The following SMN2 variants were observed in gnomAD, a reference collection of about 807,000 sequenced individuals.
SMN2 encodes survival of motor neuron 2, centromeric, also known as survival motor neuron protein.
In SMN2, 1 loss-of-function variant was observed where a neutral mutation model predicts 2.8. The ratio of observed to expected loss-of-function variants is 0.35; its 90% CI spans 0.13 to 1.68. SMN2 has a LOEUF of 1.68. SMN2 is among the 40% of genes most tolerant of loss of function. The pLI is 0.35. For synonymous variants in SMN2, 5 were observed against 5.0 expected (o/e 0.99, Z 0.01); for missense variants, 12 against 16.9 (o/e 0.71, Z 0.51).
chr5:70,069,717 G>T (rs1159598865), intron 6 of SMN2, among the ~76,000 whole-genome samples: 1 of 204 alleles, frequency 4.9e-3, no homozygotes. Context: ...TTTTTTTTTT[G>T]TTTTGGAGGC....
intron 1 of SMN2, among the ~76,000 whole-genome samples, chr5:70,052,983 G>A (rs1774498723): frequency 1.2e-5 from 1 of 83,344 alleles, no homozygotes; most frequent in South Asian, 4.0e-4. Flanking sequence ...AAGTTGCAGA[G>A]CCTAGAAGGT....
the SMN2 span, among the ~76,000 whole-genome samples, chr5:70,084,433 C>T: frequency 6.9e-5 from 9 of 130,524 alleles, no homozygotes; most frequent in Non-Finnish European, 1.1e-4. Flanking sequence ...GTGATCTGCT[C>T]GCCTTGGCCT....
chr5:70,083,425 C>G (rs1456109665), downstream of SMN2, among the ~76,000 whole-genome samples: 1 of 135,966 alleles, frequency 7.4e-6, no homozygotes, highest in Non-Finnish European at 1.5e-5. Context: ...CTAGAAATAC[C>G]ATTTGACCCA....
intron 1 of SMN2, among the ~76,000 whole-genome samples, chr5:70,052,522 C>T (rs1277236212): frequency 1.8e-4 from 2 of 10,832 alleles, no homozygotes; most frequent in East Asian, 2.4e-3. Flanking sequence ...GCCTGGGCAA[C>T]AAGAGCAAAA....
chr5:70,080,161 A>G (rs1212209791), downstream of SMN2, among the ~76,000 whole-genome samples: 1 of 118,792 alleles, frequency 8.4e-6, no homozygotes, highest in Non-Finnish European at 1.7e-5. Context: ...CCCCATCTCT[A>G]CTAAAAATAC....
rs1363913825 is a variant in SMN2, at chr5:70,076,552, G to A, written c.866G>A (p.Cys289Tyr). The A allele has an allele frequency of 1.4e-6, 2 of 1,464,384 alleles. No homozygotes were observed. The highest frequency in any genetic ancestry group is 4.7e-5 in the East Asian group (2 of 42,282). The allele number at this position is 1,464,384 out of a possible 1,614,324, so 90.7% of individuals were successfully genotyped here. ...AGACAAAATCAAAAAGAAGGAAGGT[G>A]CTCACATTCCTTAAATTAAGGAGTA... ...GFRQNQKEGR[C>Y]SHSLN is the part of the protein sequence containing the mutation. Residue 289 changes from cysteine (C) to tyrosine (Y), a missense_variant, in exon 8 of 9, where the codon TGC becomes TAC. Cys to Tyr is a radical substitution (Grantham distance 194). Coordinates refer to ENST00000380743, the MANE Select transcript of SMN2 (RefSeq NM_017411.4).
intron 8 of SMN2, 159 bp downstream of exon 8, chr5:70,076,733 T>C: frequency 8.2e-7 from 1 of 1,215,596 alleles, no homozygotes; most frequent in Non-Finnish European, 1.1e-6. Context: ...CCAAAACTAT[T>C]AGATAAAAGG....
chr5:70,081,985 T>TA (rs1774862511), downstream of SMN2, among the ~76,000 whole-genome samples: 1 of 123,214 alleles, frequency 8.1e-6, no homozygotes, highest in Non-Finnish European at 1.6e-5. Context: ...TTCAGTATGA[T>TA]ATTGGCTGTG....
At chr5:70,078,940 G>A (rs1333532021), downstream of SMN2, among the ~76,000 whole-genome samples, 1 of 822 alleles carries the variant, frequency 1.2e-3, no homozygotes, top group African/African-American at 6.1e-3. Flanking sequence ...TAGTAGAGAC[G>A]TGGTTTCGCC....
the SMN2 span, among the ~76,000 whole-genome samples, chr5:70,083,828 G>A: frequency 4.5e-5 from 6 of 133,200 alleles, 1 homozygote; most frequent in African/African-American, 2.0e-4. Flanking sequence ...GGGAGGGATA[G>A]CATTAGGAGA....
downstream of SMN2, among the ~76,000 whole-genome samples, chr5:70,083,435 A>T (rs1367015239): frequency 7.3e-6 from 1 of 136,314 alleles, no homozygotes; most frequent in Non-Finnish European, 1.5e-5. Context: ...CATTTGACCC[A>T]GCCATCCCAT....
the SMN2 span, among the ~76,000 whole-genome samples, chr5:70,084,610 A>T: frequency 7.3e-6 from 1 of 137,404 alleles, no homozygotes. Flanking sequence ...CAAACCTTTG[A>T]ATCTTTGTCA....
At chr5:70,083,691 C>G in the SMN2 span, among the ~76,000 whole-genome samples, 1 of 132,378 alleles carries the variant, frequency 7.6e-6, no homozygotes, top group South Asian at 2.3e-4. Context: ...TCTCAGTAAA[C>G]TATCGCAAGG....
chr5:70,051,892 A>G (rs1390717595), intron 1 of SMN2, among the ~76,000 whole-genome samples: 2 of 7,596 alleles, frequency 2.6e-4, no homozygotes, highest in Admixed American at 1.4e-3. Context: ...AAGCTGGCTA[A>G]GAAAGGAAGT....
intron 1 of SMN2, among the ~76,000 whole-genome samples, chr5:70,052,208 A>C (rs1164205423): frequency 7.1e-5 from 10 of 141,276 alleles, no homozygotes; most frequent in Admixed American, 1.4e-4. Flanking sequence ...AAAAAAAAGA[A>C]AGGAAGTGAG....
chr5:70,075,251 TC>T (rs536768019), intron 7 of SMN2, among the ~76,000 whole-genome samples: 1,458 of 87,666 alleles, frequency 0.017, 230 homozygotes, highest in African/African-American at 0.074. Context: ...TCTTGCTCTG[TC>T]CCCCAAGCTG....
intron 1 of SMN2, among the ~76,000 whole-genome samples, chr5:70,052,577 C>T (rs1475679696): frequency 6.7e-5 from 2 of 29,710 alleles, no homozygotes; most frequent in Admixed American, 6.6e-4. Context: ...CAAAAATTAG[C>T]CGGGCGTGGT....
downstream of SMN2, among the ~76,000 whole-genome samples, chr5:70,081,137 G>A (rs1774850377): frequency 8.7e-6 from 1 of 114,788 alleles, no homozygotes; most frequent in Non-Finnish European, 1.7e-5. Context: ...CCCATTGCTT[G>A]TTTTTCTCAG....
At chr5:70,070,105 C>A in intron 6 of SMN2, among the ~76,000 whole-genome samples, 1 of 123,284 alleles carries the variant, frequency 8.1e-6, no homozygotes, top group Non-Finnish European at 1.6e-5. Flanking sequence ...AGGTGTTCTA[C>A]CCAAGACATT....
Sources: gnomAD v4.1 joint callset for allele counts (sites outside exome capture counted in the v4.1 genomes callset) on GRCh38, gnomAD v4.1.1 for gene constraint, MANE v1.5 for transcripts, NCBI Gene and HGNC (gene_info 2026-07-23, HGNC 2026-07-21) for gene names.